Variants in SIRPG observed in about 807,000 individuals in gnomAD.
SIRPG encodes signal regulatory protein gamma, also known as signal-regulatory protein gamma.
SIRPG carries 38 observed loss-of-function variants against 35.7 expected under a neutral mutation model. The ratio of observed to expected loss-of-function variants is 1.06; its 90% CI spans 0.82 to 1.40. The LOEUF is 1.40. SIRPG is among the 40% of genes most tolerant of loss of function. SIRPG has a pLI of 0.00. For synonymous variants in SIRPG, 215 were observed against 190.4 expected, an observed-to-expected ratio of 1.13 and a Z score of -1.06; for missense variants, 519 against 483.0, an observed-to-expected ratio of 1.07 and a Z score of -0.70.
At chr20:1,640,554 AC>A (rs2091844303) in intron 2 of SIRPG, among the ~76,000 whole-genome samples, 1 of 152,200 alleles carries the variant, frequency 6.6e-6, no homozygotes, top group African/African-American at 2.4e-5. Flanking sequence ...TCATCTGCAA[AC>A]AAAGACAATT....
At chr20:1,632,941 A>T (rs2091763181) in intron 4 of SIRPG, among the ~76,000 whole-genome samples, 1 of 152,160 alleles carries the variant, frequency 6.6e-6, no homozygotes, top group Admixed American at 6.5e-5. Context: ...AAAACAATTT[A>T]AAAACTCACG....
chr20:1,665,651 C>T, the SIRPG span, among the ~76,000 whole-genome samples: 1 of 152,312 alleles, frequency 6.6e-6, no homozygotes, highest in East Asian at 1.9e-4. Flanking sequence ...GGTATTCATA[C>T]ATTGCAAGGA....
the SIRPG span, chr20:1,671,230 G>A: frequency 4.3e-6 from 1 of 233,386 alleles, no homozygotes. Flanking sequence ...CAGGAGACAT[G>A]ACTGAGATGA....
chr20:1,668,193 C>CT, the SIRPG span, among the ~76,000 whole-genome samples: 53 of 28,734 alleles, frequency 1.8e-3, no homozygotes, highest in African/African-American at 3.8e-3. Context: ...CTTTCTTTTT[C>CT]TTTTCTTTTC....
chr20:1,681,673 A>T, the SIRPG span, among the ~76,000 whole-genome samples: 2 of 139,960 alleles, frequency 1.4e-5, no homozygotes, highest in African/African-American at 5.0e-5. Context: ...TCTACTAAAA[A>T]TAAAAATAAA....
chr20:1,682,880 C>T, the SIRPG span, among the ~76,000 whole-genome samples: 1 of 152,186 alleles, frequency 6.6e-6, no homozygotes, highest in African/African-American at 2.4e-5. Context: ...AAAGCTTCTA[C>T]ATGTGCATTT....
the SIRPG span, among the ~76,000 whole-genome samples, chr20:1,684,573 T>C: frequency 3.3e-4 from 50 of 152,234 alleles, no homozygotes; most frequent in Non-Finnish European, 6.6e-4. Context: ...GTAACAAATG[T>C]TGGGAGTATA....
intron 5 of SIRPG, among the ~76,000 whole-genome samples, chr20:1,629,960 AC>A (rs2091735499): frequency 6.6e-6 from 1 of 152,182 alleles, no homozygotes; most frequent in African/African-American, 2.4e-5. Flanking sequence ...CCTGCAAGGG[AC>A]CACCCACTCA....
chr20:1,631,518 C>T (rs367679908), intron 4 of SIRPG, among the ~76,000 whole-genome samples: 10 of 152,344 alleles, frequency 6.6e-5, no homozygotes, highest in African/African-American at 2.4e-4. Flanking sequence ...ACAGTCCTGC[C>T]TCCCCATTTC....
chr20:1,663,999 C>T, the SIRPG span, among the ~76,000 whole-genome samples: 1 of 152,170 alleles, frequency 6.6e-6, no homozygotes, highest in Non-Finnish European at 1.5e-5. Context: ...TCTGATGAGG[C>T]CCTCGGACTG....
chr20:1,674,036 T>C, the SIRPG span, among the ~76,000 whole-genome samples: 1 of 152,174 alleles, frequency 6.6e-6, no homozygotes, highest in Non-Finnish European at 1.5e-5. Context: ...GCCCATGTTA[T>C]TCTGAAGCAT....
chr20:1,632,389 G>C (rs1473780534), intron 4 of SIRPG, among the ~76,000 whole-genome samples: 1 of 152,166 alleles, frequency 6.6e-6, no homozygotes, highest in Non-Finnish European at 1.5e-5. Flanking sequence ...CACGCCACTG[G>C]TGCAGCACTT....
In SIRPG at chr20:1,649,399, C is replaced by T. The variant is rs752758859; in HGVS notation, c.83G>A (p.Gly28Asp). The T allele has an allele frequency of 6.9e-6, 11 of 1,601,394 alleles. No individual in the cohort carries two copies. The Admixed American group carries it at 8.5e-5, about 12-fold the overall frequency. ...CTGAATCATCTGTAGCTCCTCCTCA[C>T]CTGCCACTTCTGAAAAGGAGCACAA... ...TLLLGLTEVAGEEELQMIQPE... is the reference protein window; with the variant it reads ...TLLLGLTEVADEEELQMIQPE... The change falls in exon 2 of 6, where the codon GGT (glycine) becomes GAT (aspartate). Residue 28 changes from glycine to aspartate, a missense_variant. Coordinates refer to ENST00000303415, the MANE Select transcript of SIRPG (RefSeq NM_018556.4).
the SIRPG span, among the ~76,000 whole-genome samples, chr20:1,684,970 T>C: frequency 6.6e-6 from 1 of 152,292 alleles, no homozygotes; most frequent in Admixed American, 6.5e-5. Context: ...AGTGTATATG[T>C]AAGAAAGATA....
chr20:1,658,624 A>G (rs2091987356), upstream of SIRPG, among the ~76,000 whole-genome samples: 1 of 152,162 alleles, frequency 6.6e-6, no homozygotes, highest in African/African-American at 2.4e-5. Context: ...TCCTATGCTC[A>G]GTTTCAATCT....
chr20:1,632,843 A>C (rs539508016), intron 4 of SIRPG, among the ~76,000 whole-genome samples: 154 of 152,134 alleles, frequency 1.0e-3, no homozygotes, highest in Non-Finnish European at 1.3e-3. Flanking sequence ...AAGAAACTAG[A>C]AAAAGTAGAG....
the SIRPG span, among the ~76,000 whole-genome samples, chr20:1,668,583 T>G: frequency 4.6e-5 from 7 of 152,080 alleles, no homozygotes; most frequent in Non-Finnish European, 7.4e-5. Flanking sequence ...CACCCAGCCT[T>G]TCACAGGAAT....
chr20:1,671,522 C>T, the SIRPG span, among the ~76,000 whole-genome samples: 33 of 152,168 alleles, frequency 2.2e-4, no homozygotes, highest in East Asian at 2.7e-3. Flanking sequence ...CAGAGAGTGC[C>T]GAGACCAGCT....
intron 2 of SIRPG, among the ~76,000 whole-genome samples, chr20:1,642,641 T>A (rs1325569948): frequency 6.6e-6 from 1 of 152,240 alleles, no homozygotes; most frequent in Non-Finnish European, 1.5e-5. Context: ...TGCACACCAG[T>A]TGATGCGGTT....
Sources: gnomAD v4.1 joint callset for allele counts (sites outside exome capture counted in the v4.1 genomes callset) on GRCh38, gnomAD v4.1.1 for gene constraint, MANE v1.5 for transcripts, NCBI Gene and HGNC (gene_info 2026-07-23, HGNC 2026-07-21) for gene names.